DNMT1: variants seen among roughly 807,000 people sequenced by gnomAD.
DNMT1 encodes the protein DNA (cytosine-5)-methyltransferase 1.
Under a neutral mutation model 205.3 loss-of-function variants are expected in DNMT1, and 24 were observed. That is an observed-to-expected ratio of 0.12 (90% CI 0.08 to 0.16). DNMT1 has a LOEUF of 0.16. Ranked by LOEUF, DNMT1 falls within the 10% of genes least tolerant of loss-of-function variation. The pLI is 1.00. For missense variants in DNMT1, 1,293 were observed against 2,177.7 expected (o/e 0.59, Z 8.09); for synonymous variants, 817 against 839.8 (o/e 0.97, Z 0.47).
intron 19 of DNMT1, 30 bp from the exon 20 acceptor site, chr19:10,155,086 G>A (rs778153919): frequency 5.6e-6 from 9 of 1,613,386 alleles, no homozygotes; most frequent in Admixed American, 3.3e-5. Context: ...TGTGGAAAAG[G>A]GGCTGGAATC....
rs764995156 is a variant in DNMT1, at chr19:10,156,386, C to T, written c.1399+5G>A. On this transcript the variant is annotated splice_donor_5th_base_variant and intron_variant, in intron 18 of 40. Coordinates refer to ENST00000359526, the MANE Select transcript of DNMT1 (RefSeq NM_001130823.3). This position sits in a 1 kb window ranked among gnomAD's most constrained non-coding sequence, Gnocchi z 4.2. ...CCCCAAACATAATCCCGGACTATTC[C>T]TTACCTTCAAGAGATGGGTCATCAT... is the stretch of plus-strand genomic sequence containing the variant. 5.6e-6 allele frequency: 9 copies of T among 1,603,932 alleles called. No individual in the cohort carries two copies. The highest frequency in any genetic ancestry group is 6.8e-6 in the Non-Finnish European group (8 of 1,172,096).
chr19:10,146,558 C>G lies in DNMT1; in HGVS notation c.2721-34G>C. ...AACAAAGGGACAGAAACATAAGGCC[C>G]TGAGGTGGCCGGCAGTGGCCGCAGC... On this transcript the variant is annotated intron_variant, in intron 27 of 40. Coordinates refer to ENST00000359526, the MANE Select transcript of DNMT1 (RefSeq NM_001130823.3). The surrounding 1 kb of genome is among the most constrained non-coding windows in gnomAD (Gnocchi z 4.4). 1 of 1,613,318 alleles carries G rather than the reference C, an allele frequency of 6.2e-7. No individual in the cohort carries two copies. The highest frequency in any genetic ancestry group is 1.1e-5 in the South Asian group (1 of 91,050).
At chr19:10,148,804 A>C in intron 27 of DNMT1, 80 bp downstream of exon 27, 1 of 1,610,778 alleles carries the variant, frequency 6.2e-7, no homozygotes, top group Non-Finnish European at 8.5e-7. Context: ...GCGGAAGCCA[A>C]CCAGACGGAA....
chr19:10,157,942 A>G (rs752530047), intron 17 of DNMT1, among the ~76,000 whole-genome samples: 2 of 152,188 alleles, frequency 1.3e-5, no homozygotes, highest in African/African-American at 2.4e-5. Flanking sequence ...GACCCCACCC[A>G]TGACTGGCTT....
chr19:10,137,812 C>T lies in DNMT1; in HGVS notation c.4293+20G>A, dbSNP rs778466456. Reference sequence around the variant, plus strand: ...TGGGCTGGGCCTCGAGGAGGAGCCGCTCTGTCAGGGTGCCATTACCTTACA... The same window carrying T: ...TGGGCTGGGCCTCGAGGAGGAGCCGTTCTGTCAGGGTGCCATTACCTTACA... On this transcript the variant is annotated intron_variant, in intron 36 of 40. Coordinates refer to ENST00000359526, the MANE Select transcript of DNMT1 (RefSeq NM_001130823.3). The surrounding 1 kb of genome is among the most constrained non-coding windows in gnomAD (Gnocchi z 6.4). 3 of 1,610,582 alleles carry T rather than the reference C, an allele frequency of 1.9e-6. No individual in the cohort carries two copies. The highest frequency in any genetic ancestry group is 2.2e-5 in the South Asian group (2 of 90,374).
Position 10,161,150 on chromosome 19 carries a change from C to T in DNMT1, c.1009-732G>A, listed in dbSNP as rs1011933383. Among the ~76,000 whole-genome samples, 8 of 152,154 alleles carry T rather than the reference C, an allele frequency of 5.3e-5. No individual in the cohort carries two copies. The East Asian group carries it at 1.5e-3, about 29-fold the overall frequency. On this transcript the variant is annotated intron_variant, in intron 13 of 40. Coordinates refer to ENST00000359526, the MANE Select transcript of DNMT1 (RefSeq NM_001130823.3). ...TGAAACCCTGTCTCTACTAAAAATA[C>T]AAAAATTAGTTGGGCGCGGTGGCGC...
intron 9 of DNMT1, among the ~76,000 whole-genome samples, chr19:10,170,011 C>A (rs536020492): frequency 6.6e-6 from 1 of 152,070 alleles, no homozygotes; most frequent in African/African-American, 2.4e-5. Flanking sequence ...CTCGGCCGGG[C>A]GTGGTGTTTC....
At chr19:10,182,902 G>C (rs2018582522) in intron 1 of DNMT1, among the ~76,000 whole-genome samples, 1 of 151,552 alleles carries the variant, frequency 6.6e-6, no homozygotes, top group Admixed American at 6.6e-5. Context: ...CTGACCTCAA[G>C]TGATCCGCCT....
In DNMT1 at chr19:10,138,745, C is replaced by A; in HGVS notation, c.3949-140G>T. ...TGCACTTGCAGAAATCCCCAGTTAC[C>A]TCAGCAGGCGTGCTCCTGGTCAGAG... On this transcript the variant is annotated intron_variant, in intron 34 of 40. Coordinates refer to ENST00000359526, the MANE Select transcript of DNMT1 (RefSeq NM_001130823.3). This position sits in a 1 kb window ranked among gnomAD's most constrained non-coding sequence, Gnocchi z 4.1. 1 of 1,143,164 alleles carries A rather than the reference C, an allele frequency of 8.7e-7. No individual in the cohort carries two copies. The highest frequency in any genetic ancestry group is 2.6e-5 in the East Asian group (1 of 38,740). The allele number at this position is 1,143,164 out of a possible 1,614,324, so 70.8% of individuals were successfully genotyped here.
rs1240936164 is a variant in DNMT1, at chr19:10,136,076, G to A, written c.4656+45C>T. Reference sequence around the variant, plus strand: ...CACTTCCACCTAGTTAGGCCGCCAAGTACAGGGCCTGACCCAGGCCCTCGG... The same window carrying A: ...CACTTCCACCTAGTTAGGCCGCCAAATACAGGGCCTGACCCAGGCCCTCGG... On this transcript the variant is annotated intron_variant, in intron 38 of 40. Transcript: ENST00000359526. The A allele has an allele frequency of 4.3e-6, 7 of 1,613,000 alleles. No homozygotes were observed. In the South Asian group the frequency reaches 6.6e-5, roughly 15 times the overall value.
chr19:10,153,686 C>T (rs1335095777), intron 22 of DNMT1, among the ~76,000 whole-genome samples: 2 of 148,390 alleles, frequency 1.3e-5, no homozygotes, highest in East Asian at 3.9e-4. Flanking sequence ...AAACATTGGA[C>T]ACACGTGTGT....
chr19:10,139,938 T>G (rs1477255895), intron 33 of DNMT1, 108 bp downstream of exon 33: 44 of 1,590,476 alleles, frequency 2.8e-5, no homozygotes, highest in Non-Finnish European at 3.7e-5. Flanking sequence ...AGCTGAGCTG[T>G]GAGCTTCCGG....
chr19:10,187,357 A>G (rs2039208245), intron 1 of DNMT1, among the ~76,000 whole-genome samples: 1 of 152,070 alleles, frequency 6.6e-6, no homozygotes, highest in Non-Finnish European at 1.5e-5. Context: ...TAATCTCTAC[A>G]CTCGGGAAGC....
chr19:10,190,407 G>A (rs144979308), intron 1 of DNMT1, among the ~76,000 whole-genome samples: 202 of 152,100 alleles, frequency 1.3e-3, no homozygotes, highest in African/African-American at 4.7e-3. Context: ...GGGATACACC[G>A]ACAAAATTCA....
Position 10,154,710 on chromosome 19 carries a change from C to T in DNMT1, c.1708G>A (p.Ala570Thr), listed in dbSNP as rs1003447106. The change falls in exon 21 of 41, where the codon GCG becomes ACG. Residue 570 changes from alanine to threonine, a missense_variant. This residue lies in a region of DNMT1 where 120 missense variants were observed against 315.9 expected (regional missense o/e 0.38). Coordinates refer to ENST00000359526, the MANE Select transcript of DNMT1 (RefSeq NM_001130823.3). The surrounding 1 kb of genome is among the most constrained non-coding windows in gnomAD (Gnocchi z 6.3). The stretch of plus-strand genomic sequence containing the variant: ...TCCACCTGCTCCACCACAAACTGCG[C>T]GTGTCGCAGGAGGGAGTCCTCTGTG... ...RFTEDSLLRH[A>T]QFVVEQVESY... is the part of the protein sequence containing the mutation. 3.1e-6 allele frequency: 5 copies of T among 1,614,228 alleles called. No individual in the cohort carries two copies. Among genetic ancestry groups the T allele is most frequent in the Non-Finnish European group, 3.4e-6 (4 of 1,180,046 alleles).
At chr19:10,173,967 C>A in intron 7 of DNMT1, 62 bp from the exon 8 acceptor site, 1 of 1,510,502 alleles carries the variant, frequency 6.6e-7, no homozygotes, top group Non-Finnish European at 9.2e-7. Context: ...AAGGTCAACA[C>A]CAAAAGTGTG....
chr19:10,170,853 G>A (rs1247631569), intron 9 of DNMT1, among the ~76,000 whole-genome samples: 1 of 151,932 alleles, frequency 6.6e-6, no homozygotes, highest in Non-Finnish European at 1.5e-5. Flanking sequence ...GATTGCAGTG[G>A]GACAATCATG....
intron 17 of DNMT1, among the ~76,000 whole-genome samples, chr19:10,158,286 C>T (rs895467744): frequency 2.6e-5 from 4 of 152,130 alleles, no homozygotes; most frequent in African/African-American, 9.7e-5. Flanking sequence ...GGCCAGGCCT[C>T]GGGGGGCTAG....
chr19:10,143,641 T>C (rs1162768590), intron 29 of DNMT1, 125 bp downstream of exon 29: 2 of 1,108,708 alleles, frequency 1.8e-6, no homozygotes, highest in Admixed American at 1.7e-5. Context: ...TCAGAAACAC[T>C]TGGAAAAACA....
Sources: gnomAD v4.1 joint callset for allele counts (sites outside exome capture counted in the v4.1 genomes callset) on GRCh38, gnomAD v4.1.1 for gene constraint, gnomAD v4.1.1 regional missense constraint, Gnocchi (gnomAD v3.1) non-coding constraint, MANE v1.5 for transcripts, NCBI Gene and HGNC (gene_info 2026-07-23, HGNC 2026-07-21) for gene names.